The following SETBP1 variants were observed in gnomAD, a reference collection of about 807,000 sequenced individuals.
SETBP1 encodes the protein SET binding protein 1, also known as SET-binding protein.
SETBP1 carries 9 observed loss-of-function variants against 101.0 expected under a neutral mutation model. The observed-to-expected ratio is 0.09, with a 90% confidence interval of 0.05 to 0.16. SETBP1 has a LOEUF of 0.16. Ranked by LOEUF, SETBP1 falls within the 10% of genes least tolerant of loss-of-function variation. The probability of loss-of-function intolerance (pLI) is 1.00; values close to 1 mark genes in which losing one functional copy is unlikely to be tolerated. For synonymous variants in SETBP1, 818 were observed against 788.5 expected, an observed-to-expected ratio of 1.04 and a Z score of -0.63; for missense variants, 1,858 against 2,033.8, an observed-to-expected ratio of 0.91 and a Z score of 1.66.
At chr18:44,788,799 T>A (rs927004846) in intron 2 of SETBP1, among the ~76,000 whole-genome samples, 3 of 140,916 alleles carry the variant, frequency 2.1e-5, no homozygotes, top group African/African-American at 8.0e-5. Flanking sequence ...AATTTTTTTT[T>A]TTTTTTTTTT....
At chr18:44,969,477 C>CT (rs938498731) in intron 4 of SETBP1, among the ~76,000 whole-genome samples, 1 of 152,224 alleles carries the variant, frequency 6.6e-6, no homozygotes, top group African/African-American at 2.4e-5. Context: ...CTTCCCAAGC[C>CT]TTTCCTGTGA....
chr18:44,742,272 C>T (rs966219898), intron 2 of SETBP1, among the ~76,000 whole-genome samples: 1 of 152,142 alleles, frequency 6.6e-6, no homozygotes, highest in African/African-American at 2.4e-5. Flanking sequence ...AGCCCCGCAC[C>T]CCGGTCTCCT....
intron 3 of SETBP1, among the ~76,000 whole-genome samples, chr18:44,883,345 A>G (rs1261078007): frequency 6.6e-6 from 1 of 152,214 alleles, no homozygotes; most frequent in African/African-American, 2.4e-5. Context: ...TCAGCCATGA[A>G]CATAAATTCG....
At position 44,930,369 on chromosome 18, in the gene SETBP1, T is replaced by A. The variant is rs576074866; in HGVS notation, c.541-19512T>A. On this transcript the variant is annotated intron_variant, in intron 3 of 5. Coordinates refer to ENST00000649279, the MANE Select transcript of SETBP1 (RefSeq NM_015559.3). ...TTTTTTGAGGATTTTTGCATCGATG[T>A]TCATCAGGGATATTGGTCTAAAATT... Among the ~76,000 whole-genome samples the A allele has an allele frequency of 2.0e-5, 3 of 152,232 alleles. No homozygotes were observed. The East Asian group carries it at 5.8e-4, about 29-fold the overall frequency.
intron 4 of SETBP1, among the ~76,000 whole-genome samples, chr18:44,964,274 T>C (rs1029321771): frequency 2.6e-5 from 4 of 152,152 alleles, no homozygotes; most frequent in Admixed American, 6.5e-5. Flanking sequence ...AACATAGTCC[T>C]GGGCAAAGTG....
Position 45,067,170 on chromosome 18 carries a change from A to G in SETBP1, c.*3472A>G, listed in dbSNP as rs1413464027. 6.6e-6 allele frequency: 1 copy of G among 152,222 alleles called. No individual in the cohort carries two copies. Among genetic ancestry groups the G allele is most frequent in the Non-Finnish European group, 1.5e-5 (1 of 68,046 alleles). 9.4% of individuals were successfully genotyped at this position (152,222 alleles called of 1,614,324 possible). A position where few individuals can be genotyped will look rare whatever the true frequency, so the allele number is the denominator to read the frequency against. Reference sequence around the variant, plus strand: ...TGGCTGCTGTCCGGACTAGGAGGCCATGTTCAATGGCAGTCAGAATTTGTG... The same window carrying G: ...TGGCTGCTGTCCGGACTAGGAGGCCGTGTTCAATGGCAGTCAGAATTTGTG... On this transcript the variant is annotated 3_prime_UTR_variant, in exon 6 of 6. Coordinates refer to ENST00000649279, the MANE Select transcript of SETBP1 (RefSeq NM_015559.3).
intron 2 of SETBP1, among the ~76,000 whole-genome samples, chr18:44,801,162 A>G (rs1165337762): frequency 6.6e-6 from 1 of 152,168 alleles, no homozygotes; most frequent in Non-Finnish European, 1.5e-5. Context: ...GGATAGCATT[A>G]GGAGATATAC....
chr18:44,997,446 C>G (rs901895437), intron 4 of SETBP1, among the ~76,000 whole-genome samples: 1 of 152,178 alleles, frequency 6.6e-6, no homozygotes, highest in Non-Finnish European at 1.5e-5. Context: ...TCCTGTGTAA[C>G]TTTTCTGCAA....
chr18:44,865,900 G>C (rs2069117847), intron 2 of SETBP1, among the ~76,000 whole-genome samples: 1 of 152,182 alleles, frequency 6.6e-6, no homozygotes, highest in Non-Finnish European at 1.5e-5. Flanking sequence ...TAGTTTGTGA[G>C]TTAAACATTC....
At chr18:44,792,742 T>A (rs551853446) in intron 2 of SETBP1, among the ~76,000 whole-genome samples, 1 of 152,276 alleles carries the variant, frequency 6.6e-6, no homozygotes, top group East Asian at 1.9e-4. Context: ...GCCTCCCACC[T>A]TTTTTTCTCT....
At chr18:44,908,076 T>A (rs2070217378) in intron 3 of SETBP1, among the ~76,000 whole-genome samples, 1 of 152,102 alleles carries the variant, frequency 6.6e-6, no homozygotes, top group Non-Finnish European at 1.5e-5. Context: ...TTATTTTTTT[T>A]TTGAGACAGA....
intron 1 of SETBP1, among the ~76,000 whole-genome samples, chr18:44,684,995 A>T (rs1283862805): frequency 6.6e-6 from 1 of 152,156 alleles, no homozygotes. Context: ...CCAGCAGTTG[A>T]CTTCCTACCC....
intron 2 of SETBP1, among the ~76,000 whole-genome samples, chr18:44,725,365 C>T (rs1331862477): frequency 6.6e-6 from 1 of 152,112 alleles, no homozygotes; most frequent in Non-Finnish European, 1.5e-5. Flanking sequence ...AATGAGTTAC[C>T]TGTACTGTCC....
In SETBP1 at chr18:44,968,420, A is replaced by G. The variant is rs77808889; in HGVS notation, c.4000+15080A>G. Among the ~76,000 whole-genome samples the G allele has an allele frequency of 5.3e-3, 801 of 152,314 alleles. 46 individuals are homozygous for G. The East Asian group carries it at 0.12, about 22-fold the overall frequency. ...ATAAGTTTTGGGAAAGGGAAGCTGG[A>G]TAGTGGGCATGATCTGCTGTACTTC... On this transcript the variant is annotated intron_variant, in intron 4 of 5. Transcript: ENST00000649279.
chr18:44,736,104 G>C (rs1033505972), intron 2 of SETBP1, among the ~76,000 whole-genome samples: 3 of 152,194 alleles, frequency 2.0e-5, no homozygotes, highest in African/African-American at 7.2e-5. Flanking sequence ...AGAAGGTCAG[G>C]CTGGGCATAG....
At chr18:45,032,414 T>C (rs2073315534) in intron 4 of SETBP1, among the ~76,000 whole-genome samples, 1 of 152,186 alleles carries the variant, frequency 6.6e-6, no homozygotes, top group South Asian at 2.1e-4. Flanking sequence ...AAATTCCAAA[T>C]GATTTATTCT....
At chr18:45,060,670 T>C (rs1323339024) in intron 5 of SETBP1, among the ~76,000 whole-genome samples, 4 of 152,234 alleles carry the variant, frequency 2.6e-5, no homozygotes, top group African/African-American at 9.6e-5. Flanking sequence ...TAATCCTTTT[T>C]TAATGCAAAG....
chr18:44,951,331 A>C lies in SETBP1; in HGVS notation c.1991A>C (p.Lys664Thr), dbSNP rs1206869569. The C allele has an allele frequency of 6.2e-7, 1 of 1,613,816 alleles. No homozygotes were observed. Among genetic ancestry groups the C allele is most frequent in the East Asian group, 2.2e-5 (1 of 44,872 alleles). ...KLGVLDKKTI[K>T]TINKMKTLKR... The stretch of plus-strand genomic sequence containing the variant: ...GGCGTGTTGGATAAGAAGACCATCA[A>C]AACTATCAATAAGATGAAGACACTC... The change falls in exon 4 of 6, where the codon AAA (lysine) becomes ACA (threonine). Residue 664 changes from lysine (K) to threonine (T), a missense_variant. This residue lies in a region of SETBP1 where 111 missense variants were observed against 119.3 expected (regional missense o/e 0.93). Transcript: ENST00000649279. This position sits in a 1 kb window ranked among gnomAD's most constrained non-coding sequence, Gnocchi z 7.8.
chr18:44,978,682 G>C (rs1052186754), intron 4 of SETBP1, among the ~76,000 whole-genome samples: 4 of 152,134 alleles, frequency 2.6e-5, no homozygotes, highest in African/African-American at 7.2e-5. Context: ...AACAAAGTCA[G>C]CAACACCAAC....
Sources: allele counts gnomAD v4.1 joint callset (sites outside exome capture counted in the v4.1 genomes callset), GRCh38; gene constraint gnomAD v4.1.1; regional missense constraint gnomAD v4.1.1; non-coding constraint Gnocchi (gnomAD v3.1); transcripts MANE v1.5; gene names NCBI Gene and HGNC (gene_info 2026-07-23, HGNC 2026-07-21).